GPR19: variants seen among roughly 807,000 people sequenced by gnomAD.
GPR19 encodes G protein-coupled receptor 19.
Under a neutral mutation model 28.5 loss-of-function variants are expected in GPR19, and 14 were observed. The observed-to-expected ratio is 0.49, with a 90% CI of 0.32 to 0.77. The LOEUF is 0.77. Among genes scored for constraint, GPR19 ranks in the 30% least tolerant of loss-of-function variants. The pLI, the probability that GPR19 is intolerant of heterozygous loss-of-function variation, is 0.03. For missense variants in GPR19, 409 were observed against 504.1 expected (o/e 0.81, Z 1.81); for synonymous variants, 173 against 184.1 (o/e 0.94, Z 0.49).
chr12:12,696,791 A>G (rs1165940131), upstream of GPR19, among the ~76,000 whole-genome samples: 1 of 152,252 alleles, frequency 6.6e-6, no homozygotes, highest in Non-Finnish European at 1.5e-5. Context: ...TCGTAATGAA[A>G]GTCATGTTTT....
chr12:12,703,435 A>C, the GPR19 span: 1 of 985,278 alleles, frequency 1.0e-6, no homozygotes, highest in Non-Finnish European at 1.2e-6. Context: ...AAACTATGGG[A>C]CCTTGAAAGG....
the GPR19 span, among the ~76,000 whole-genome samples, chr12:12,708,509 A>G: frequency 1.3e-5 from 2 of 152,174 alleles, no homozygotes; most frequent in African/African-American, 4.8e-5. Context: ...AATTAAACCA[A>G]TGAAGCCTTA....
At chr12:12,688,112 G>T (rs987344060) in intron 2 of GPR19, among the ~76,000 whole-genome samples, 1 of 152,130 alleles carries the variant, frequency 6.6e-6, no homozygotes, top group African/African-American at 2.4e-5. Context: ...GTTGTTGAAC[G>T]GGTTATTTGT....
At chr12:12,703,507 A>G in the GPR19 span, 1 of 772,186 alleles carries the variant, frequency 1.3e-6, no homozygotes, top group Non-Finnish European at 1.6e-6. Flanking sequence ...TCTTTGCCAT[A>G]GAAGCCTATG....
In GPR19 at chr12:12,661,749, T is replaced by C; in HGVS notation, c.700A>G (p.Ile234Val). 6.2e-7 allele frequency: 1 copy of C among 1,614,044 alleles called. No individual in the cohort carries two copies. Among genetic ancestry groups the C allele is most frequent in the Non-Finnish European group, 8.5e-7 (1 of 1,179,982 alleles). ...AATAAAATTATGAGGACAGATGGAA[T>C]CACAAAGCCCACCAAGAAGTGGATG... Reference protein sequence around the residue: ...TVIHFLVGFVIPSVLIILFYQ... With the variant: ...TVIHFLVGFVVPSVLIILFYQ... Residue 234 changes from isoleucine to valine, a missense_variant, in exon 4 of 4, where the codon ATT (isoleucine) becomes GTT (valine). Physicochemically the swap from Ile to Val is conservative, Grantham distance 29 (BLOSUM62 3). Coordinates refer to ENST00000651487, the MANE Select transcript of GPR19 (RefSeq NM_006143.3). The surrounding 1 kb of genome is among the most constrained non-coding windows in gnomAD (Gnocchi z 4.2).
At chr12:12,716,803 C>T in the GPR19 span, 1 of 985,308 alleles carries the variant, frequency 1.0e-6, no homozygotes, top group Non-Finnish European at 1.2e-6. Context: ...CCATTGCCCA[C>T]TGCCTCCACC....
chr12:12,710,529 C>G, the GPR19 span, among the ~76,000 whole-genome samples: 1 of 152,078 alleles, frequency 6.6e-6, no homozygotes, highest in Non-Finnish European at 1.5e-5. Flanking sequence ...TGCTTGTCTC[C>G]AGTATTGTCT....
chr12:12,717,221 C>CGCG, the GPR19 span: 5 of 1,046,968 alleles, frequency 4.8e-6, no homozygotes, highest in Non-Finnish European at 4.6e-6. Flanking sequence ...CTCGGGGAGG[C>CGCG]GGCGCGCTCG....
At chr12:12,667,719 G>A (rs1425125959) in intron 3 of GPR19, among the ~76,000 whole-genome samples, 1 of 151,486 alleles carries the variant, frequency 6.6e-6, no homozygotes, top group Non-Finnish European at 1.5e-5. Context: ...AAAAAGAACT[G>A]GGGACTGGTT....
At chr12:12,690,648 G>C (rs1946167441) in intron 2 of GPR19, among the ~76,000 whole-genome samples, 1 of 152,128 alleles carries the variant, frequency 6.6e-6, no homozygotes, top group African/African-American at 2.4e-5. Flanking sequence ...CAAAATGGCT[G>C]CCCCTAAATG....
At position 12,662,365 on chromosome 12, in the gene GPR19, G is replaced by A; in HGVS notation, c.84C>T (p.Cys28=). Residue 28 remains cysteine (C), a synonymous_variant, in exon 4 of 4, where the codon TGC becomes TGT. Transcript: ENST00000651487. ...TTGGCAGAGGTGTGGCTGTTTCAGT[G>A]CAGCTGCGGTTTTGGAGGGGCACCA... ...TLLVPLQNRS[C]TETATPLPSQ... 6.2e-7 allele frequency: 1 copy of A among 1,614,168 alleles called. No homozygotes were observed.
intron 3 of GPR19, among the ~76,000 whole-genome samples, chr12:12,675,226 A>G (rs1026051129): frequency 6.6e-6 from 1 of 152,120 alleles, no homozygotes; most frequent in African/African-American, 2.4e-5. Context: ...TCACGTGGGG[A>G]GCAGGTTAGA....
chr12:12,675,620 CAGAG>C (rs1343731913), intron 3 of GPR19, among the ~76,000 whole-genome samples: 1 of 152,138 alleles, frequency 6.6e-6, no homozygotes, highest in Non-Finnish European at 1.5e-5. Context: ...CAGGAGAAGT[CAGAG>C]AGACTCCAAG....
intron 3 of GPR19, among the ~76,000 whole-genome samples, chr12:12,671,598 A>T (rs1945856142): frequency 6.6e-6 from 1 of 152,164 alleles, no homozygotes; most frequent in African/African-American, 2.4e-5. Context: ...ATATGCTTTC[A>T]TGGGAACATA....
At chr12:12,669,635 T>C (rs1443775032) in intron 3 of GPR19, among the ~76,000 whole-genome samples, 1 of 152,192 alleles carries the variant, frequency 6.6e-6, no homozygotes, top group Non-Finnish European at 1.5e-5. Context: ...GTTGGCATCA[T>C]GAAGCAGCCA....
At chr12:12,676,005 T>G (rs1226339595) in intron 3 of GPR19, among the ~76,000 whole-genome samples, 3 of 152,242 alleles carry the variant, frequency 2.0e-5, no homozygotes. Flanking sequence ...CAATAGAAAC[T>G]AATTCAATGT....
chr12:12,672,927 T>C (rs1358949921), intron 3 of GPR19, among the ~76,000 whole-genome samples: 1 of 152,214 alleles, frequency 6.6e-6, no homozygotes, highest in Non-Finnish European at 1.5e-5. Flanking sequence ...ATCCCTGTTT[T>C]TATGGAGCTT....
intron 3 of GPR19, among the ~76,000 whole-genome samples, chr12:12,669,852 C>T (rs531464239): frequency 1.1e-4 from 17 of 152,276 alleles, no homozygotes; most frequent in Admixed American, 3.9e-4. Context: ...TCCTAACTGA[C>T]TCTCTTGCTG....
chr12:12,680,864 T>G (rs1946008326), intron 3 of GPR19, among the ~76,000 whole-genome samples: 1 of 152,070 alleles, frequency 6.6e-6, no homozygotes, highest in South Asian at 2.1e-4. Flanking sequence ...AATTTTTGTA[T>G]TTTTAGTAGA....
Sources: gnomAD v4.1 joint callset for allele counts (sites outside exome capture counted in the v4.1 genomes callset) on GRCh38, gnomAD v4.1.1 for gene constraint, Gnocchi (gnomAD v3.1) non-coding constraint, MANE v1.5 for transcripts, NCBI Gene and HGNC (gene_info 2026-07-23, HGNC 2026-07-21) for gene names.